KIRREL3: variants seen among roughly 807,000 people sequenced by gnomAD.
KIRREL3 encodes kirre like nephrin family adhesion molecule 3.
A neutral mutation model predicts 89.7 loss-of-function variants in KIRREL3; 36 were observed. That is an observed-to-expected ratio of 0.40 (90% CI 0.31 to 0.53). The LOEUF (loss-of-function observed/expected upper bound fraction) is 0.53. Among genes scored for constraint, KIRREL3 ranks in the 20% least tolerant of loss-of-function variants. KIRREL3 has a pLI of 0.49. For missense variants in KIRREL3, 864 were observed against 1,056.6 expected (o/e 0.82, Z 2.53); for synonymous variants, 445 against 441.4 (o/e 1.01, Z -0.10).
intron 1 of KIRREL3, among the ~76,000 whole-genome samples, chr11:126,963,394 A>G (rs1949157919): frequency 6.6e-6 from 1 of 152,068 alleles, no homozygotes; most frequent in Non-Finnish European, 1.5e-5. Flanking sequence ...GATGCTTGCA[A>G]ATAGGCCCAT....
chr11:126,746,372 T>C (rs1949150187), intron 1 of KIRREL3, among the ~76,000 whole-genome samples: 1 of 152,136 alleles, frequency 6.6e-6, no homozygotes, highest in Non-Finnish European at 1.5e-5. Flanking sequence ...GTGGGGGTAA[T>C]TCCGCTTGGG....
Position 126,808,023 on chromosome 11 carries a change from A to T in KIRREL3, c.55+192432T>A, listed in dbSNP as rs1951260472. ...GAGGCTCAGCACTGGATAAATGGGG[A>T]AAGAATGAATGTCTGAACTAGTGTG... On this transcript the variant is annotated intron_variant, in intron 1 of 16. Transcript: ENST00000525144. This position sits in a 1 kb window ranked among gnomAD's most constrained non-coding sequence, Gnocchi z 4.1. 6.6e-6 allele frequency among the ~76,000 whole-genome samples: 1 copy of T among 152,212 alleles called. No homozygotes were observed. The highest frequency in any genetic ancestry group is 1.5e-5 in the Non-Finnish European group (1 of 68,050).
chr11:126,446,289 T>TCTTC (rs1491506737), intron 9 of KIRREL3, among the ~76,000 whole-genome samples: 16,906 of 128,518 alleles, frequency 0.13, 1,400 homozygotes, highest in Non-Finnish European at 0.19. Context: ...CTTTCTCCTT[T>TCTTC]CTTTCTTTCT....
chr11:126,585,382 C>T (rs981447014), intron 1 of KIRREL3, among the ~76,000 whole-genome samples: 2 of 151,798 alleles, frequency 1.3e-5, no homozygotes, highest in Admixed American at 6.6e-5. Context: ...TACTGGCACT[C>T]ACCACCACGC....
intron 4 of KIRREL3, among the ~76,000 whole-genome samples, chr11:126,482,054 T>C (rs534188302): frequency 2.6e-5 from 4 of 152,186 alleles, no homozygotes. Context: ...TTTATCTTTT[T>C]TGAGACAGAG....
chr11:126,816,081 T>C (rs1243132029), intron 1 of KIRREL3, among the ~76,000 whole-genome samples: 1 of 152,244 alleles, frequency 6.6e-6, no homozygotes, highest in Non-Finnish European at 1.5e-5. Flanking sequence ...TTGCTAGTTC[T>C]AGTGATAATT....
chr11:126,463,148 G>T lies in KIRREL3; in HGVS notation c.742+9C>A, dbSNP rs756769680. On this transcript the variant is annotated intron_variant, in intron 6 of 16. Coordinates refer to ENST00000525144, the MANE Select transcript of KIRREL3 (RefSeq NM_032531.4). This position sits in a 1 kb window ranked among gnomAD's most constrained non-coding sequence, Gnocchi z 5.9. ...CAGGGCTGGGTTGGGGGAGGGGGTG[G>T]GTACTCACGCTGGATGTCAATGGTG... 6.2e-7 allele frequency: 1 copy of T among 1,611,548 alleles called. No homozygotes were observed. Among genetic ancestry groups the T allele is most frequent in the Non-Finnish European group, 8.5e-7 (1 of 1,179,078 alleles).
Position 126,846,673 on chromosome 11 carries a change from A to AAACAG in KIRREL3, c.55+153777_55+153781dup, listed in dbSNP as rs150844099. On this transcript the variant is annotated intron_variant, in intron 1 of 16. Coordinates refer to ENST00000525144, the MANE Select transcript of KIRREL3 (RefSeq NM_032531.4). The stretch of plus-strand genomic sequence containing the variant: ...AGACTACTAAAAACAAAACAAAACA[A>AAACAG]AACAGACAAACAAAAAAAAATTTCA... Among the ~76,000 whole-genome samples the AAACAG allele has an allele frequency of 3.3e-5, 5 of 152,010 alleles. No individual in the cohort carries two copies. In the South Asian group the frequency reaches 8.3e-4, roughly 25 times the overall value.
intron 1 of KIRREL3, among the ~76,000 whole-genome samples, chr11:126,733,147 T>C (rs1466994498): frequency 6.6e-6 from 1 of 152,266 alleles, no homozygotes; most frequent in Non-Finnish European, 1.5e-5. Context: ...TATGAAACTT[T>C]ACAGTTTCAC....
chr11:126,666,627 G>A lies in KIRREL3; in HGVS notation c.56-103715C>T, dbSNP rs982224459. On this transcript the variant is annotated intron_variant, in intron 1 of 16. Transcript: ENST00000525144. This position sits in a 1 kb window ranked among gnomAD's most constrained non-coding sequence, Gnocchi z 4.2. ...CAATGATTTGTGCTGCCTGCTTGTCGAGTCTGTTTACCAACTTGGCTTATT... is the reference window on the plus strand; with the variant it reads ...CAATGATTTGTGCTGCCTGCTTGTCAAGTCTGTTTACCAACTTGGCTTATT... 1.3e-5 allele frequency among the ~76,000 whole-genome samples: 2 copies of A among 152,156 alleles called. No homozygotes were observed. The highest frequency in any genetic ancestry group is 2.9e-5 in the Non-Finnish European group (2 of 68,038).
chr11:126,603,341 G>A (rs1038638870), intron 1 of KIRREL3, among the ~76,000 whole-genome samples: 4 of 152,200 alleles, frequency 2.6e-5, no homozygotes, highest in East Asian at 1.9e-4. Context: ...ACCTCCCTCC[G>A]CTGTGATGAG....
chr11:126,749,991 T>A (rs1949283391), intron 1 of KIRREL3, among the ~76,000 whole-genome samples: 2 of 152,218 alleles, frequency 1.3e-5, no homozygotes. Flanking sequence ...TTACTAGAAA[T>A]GAGTGGTTCT....
intron 8 of KIRREL3, among the ~76,000 whole-genome samples, chr11:126,447,674 G>A (rs1053924399): frequency 6.6e-6 from 1 of 152,150 alleles, no homozygotes; most frequent in Non-Finnish European, 1.5e-5. Context: ...ACACAGTGGG[G>A]GCCGTGTGGG....
rs1396136039 is a variant in KIRREL3, at chr11:126,525,100, T to C, written c.283+1438A>G. On this transcript the variant is annotated intron_variant, in intron 3 of 16. Coordinates refer to ENST00000525144, the MANE Select transcript of KIRREL3 (RefSeq NM_032531.4). The surrounding 1 kb of genome is among the most constrained non-coding windows in gnomAD (Gnocchi z 5.4). ...GAAAGCCATTCATGGCACTGGATGC[T>C]AGAGGGTCAGTTATCCATGCTGAGA... 1.3e-5 allele frequency among the ~76,000 whole-genome samples: 2 copies of C among 152,152 alleles called. No homozygotes were observed. The highest frequency in any genetic ancestry group is 1.5e-5 in the Non-Finnish European group (1 of 68,028).
Position 126,605,564 on chromosome 11 carries a change from C to A in KIRREL3, c.56-42652G>T, listed in dbSNP as rs146259775. On this transcript the variant is annotated intron_variant, in intron 1 of 16. Transcript: ENST00000525144. This position sits in a 1 kb window ranked among gnomAD's most constrained non-coding sequence, Gnocchi z 5.7. ...GGCGCACGCAAATAGGAGCTCTGCT[C>A]ACAGCCTGTGCTGGGCACTTCATTT... Among the ~76,000 whole-genome samples the A allele has an allele frequency of 6.6e-6, 1 of 152,366 alleles. No homozygotes were observed. The highest frequency in any genetic ancestry group is 2.4e-5 in the African/African-American group (1 of 41,580).
chr11:126,731,772 T>C lies in KIRREL3; in HGVS notation c.56-168860A>G, dbSNP rs535478531. ...CAGTTAGAGAACAACAAGAAACTAA[T>C]CACATGTGGTGGCTGCTGCCTCCGT... On this transcript the variant is annotated intron_variant, in intron 1 of 16. Coordinates refer to ENST00000525144, the MANE Select transcript of KIRREL3 (RefSeq NM_032531.4). Among the ~76,000 whole-genome samples, 11 of 152,368 alleles carry C rather than the reference T, an allele frequency of 7.2e-5. No individual in the cohort carries two copies. In the East Asian group the frequency reaches 2.1e-3, roughly 29 times the overall value.
Position 126,473,340 on chromosome 11 carries a change from C to G in KIRREL3, c.560G>C (p.Gly187Ala). The G allele has an allele frequency of 7.2e-7, 1 of 1,385,296 alleles. No individual in the cohort carries two copies. Among genetic ancestry groups the G allele is most frequent in the East Asian group, 3.5e-5 (1 of 28,692 alleles). The allele number at this position is 1,385,296 out of a possible 1,614,324, so 85.8% of individuals were successfully genotyped here. A position where few individuals can be genotyped will look rare whatever the true frequency, so the allele number is the denominator to read the frequency against. The change falls in exon 5 of 17, where the codon GGA (glycine) becomes GCA (alanine). Residue 187 changes from glycine to alanine, a missense_variant. Transcript: ENST00000525144. ...PAASIIWLRK[G>A]EVINGATYSK... The stretch of plus-strand genomic sequence containing the variant: ...GTAGGTGGCCCCATTGATGACCTCT[C>G]CCTTTCGCAACCAGATGATGGAGGC...
At chr11:126,942,965 G>T (rs192572803) in intron 1 of KIRREL3, among the ~76,000 whole-genome samples, 18 of 152,210 alleles carry the variant, frequency 1.2e-4, no homozygotes, top group African/African-American at 4.3e-4. Context: ...TATGTCAGGA[G>T]CTCTGATTTG....
At chr11:126,451,418 ATGTGTGAGCG>A (rs1262946495) in intron 7 of KIRREL3, among the ~76,000 whole-genome samples, 47 of 133,210 alleles carry the variant, frequency 3.5e-4, no homozygotes, top group Admixed American at 2.3e-3. Context: ...ATGTGTGTGC[ATGTGTGAGCG>A]TGTGCATGTG....
Sources: gnomAD v4.1 joint callset for allele counts (sites outside exome capture counted in the v4.1 genomes callset) on GRCh38, gnomAD v4.1.1 for gene constraint, Gnocchi (gnomAD v3.1) non-coding constraint, MANE v1.5 for transcripts, NCBI Gene and HGNC (gene_info 2026-07-23, HGNC 2026-07-21) for gene names.